ZNG1B: variants seen among roughly 807,000 people sequenced by gnomAD.
ZNG1B encodes zinc-regulated GTPase metalloprotein activator 1B.
At chr2:113,437,891 C>T in the ZNG1B span, 8 of 1,611,756 alleles carry the variant, frequency 5.0e-6, no homozygotes, top group African/African-American at 8.0e-5. Flanking sequence ...GTTGGATCTG[C>T]GGATGAGGAG....
the ZNG1B span, chr2:113,437,949 G>C: frequency 6.2e-7 from 1 of 1,612,034 alleles, no homozygotes; most frequent in South Asian, 1.1e-5. Flanking sequence ...CCATGGAGAC[G>C]ACGCAAAGCG....
At chr2:113,457,826 A>T in the ZNG1B span, among the ~76,000 whole-genome samples, 1 of 142,198 alleles carries the variant, frequency 7.0e-6, no homozygotes, top group African/African-American at 2.5e-5. Flanking sequence ...AATTAACTAC[A>T]GTCATCATGC....
At chr2:113,442,541 CTAA>C in the ZNG1B span, among the ~76,000 whole-genome samples, 1 of 152,132 alleles carries the variant, frequency 6.6e-6, no homozygotes, top group East Asian at 1.9e-4. Flanking sequence ...CCTGAGATTT[CTAA>C]TAACAGACTG....
chr2:113,495,509 CACTCAATT>C, the ZNG1B span: 2 of 546,312 alleles, frequency 3.7e-6, 1 homozygote, highest in Admixed American at 8.1e-5. Flanking sequence ...AAGATGGAAT[CACTCAATT>C]ACTATTCTTT....
chr2:113,462,937 C>G, the ZNG1B span: 1 of 169,154 alleles, frequency 5.9e-6, no homozygotes, highest in Non-Finnish European at 1.1e-5. Flanking sequence ...TCTATACAGC[C>G]TATTCTGTCT....
chr2:113,487,077 A>G, the ZNG1B span, among the ~76,000 whole-genome samples: 11 of 151,958 alleles, frequency 7.2e-5, no homozygotes, highest in Admixed American at 6.6e-4. Context: ...AAAAATAAGT[A>G]TAGTCATGCA....
the ZNG1B span, among the ~76,000 whole-genome samples, chr2:113,471,865 C>G: frequency 1.3e-5 from 2 of 151,924 alleles, no homozygotes; most frequent in South Asian, 4.2e-4. Context: ...GCCACATTTT[C>G]TTAATCCAGT....
chr2:113,463,856 T>TA, the ZNG1B span, among the ~76,000 whole-genome samples: 1 of 151,228 alleles, frequency 6.6e-6, no homozygotes, highest in East Asian at 1.9e-4. Flanking sequence ...CAAGGTATAG[T>TA]AAAAAAGGGA....
At chr2:113,456,783 G>T in the ZNG1B span, among the ~76,000 whole-genome samples, 1 of 152,164 alleles carries the variant, frequency 6.6e-6, no homozygotes, top group African/African-American at 2.4e-5. Flanking sequence ...TTGATATAAA[G>T]AATTTTCCAA....
chr2:113,442,201 T>C, the ZNG1B span, among the ~76,000 whole-genome samples: 2 of 152,112 alleles, frequency 1.3e-5, no homozygotes, highest in African/African-American at 2.4e-5. Context: ...GGTAAACATA[T>C]GGTCTTTATC....
the ZNG1B span, chr2:113,437,771 C>T: frequency 4.5e-6 from 7 of 1,549,356 alleles, no homozygotes; most frequent in East Asian, 1.4e-4. Flanking sequence ...ACGTCAGGCC[C>T]CGGGCAGGCC....
At chr2:113,440,713 C>A in the ZNG1B span, among the ~76,000 whole-genome samples, 3 of 145,314 alleles carry the variant, frequency 2.1e-5, no homozygotes, top group Non-Finnish European at 4.5e-5. Flanking sequence ...GGAAACAAAC[C>A]AAATGTCCAA....
chr2:113,490,581 T>C, the ZNG1B span, among the ~76,000 whole-genome samples: 2 of 152,160 alleles, frequency 1.3e-5, no homozygotes, highest in Admixed American at 6.5e-5. Context: ...ATTGATAGAC[T>C]GTTAGCAAGA....
At chr2:113,483,874 A>G in the ZNG1B span, among the ~76,000 whole-genome samples, 1 of 152,294 alleles carries the variant, frequency 6.6e-6, no homozygotes, top group Non-Finnish European at 1.5e-5. Context: ...ACTACTAAAT[A>G]GGGCATATCT....
At chr2:113,460,566 A>G in the ZNG1B span, 3 of 1,405,220 alleles carry the variant, frequency 2.1e-6, no homozygotes, top group Admixed American at 5.9e-5. Context: ...GAACATGTTG[A>G]AGTTTTTATT....
the ZNG1B span, chr2:113,494,655 GT>G: frequency 1.2e-6 from 1 of 860,948 alleles, no homozygotes; most frequent in African/African-American, 1.9e-5. Context: ...AAATATAATA[GT>G]TTTTCTTTAT....
At chr2:113,484,281 C>T in the ZNG1B span, among the ~76,000 whole-genome samples, 1 of 147,250 alleles carries the variant, frequency 6.8e-6, no homozygotes, top group Non-Finnish European at 1.5e-5. Flanking sequence ...CTTAGCAAGG[C>T]CTGTTTGCTC....
At chr2:113,443,023 C>T in the ZNG1B span, among the ~76,000 whole-genome samples, 23 of 147,882 alleles carry the variant, frequency 1.6e-4, no homozygotes, top group South Asian at 6.5e-4. Flanking sequence ...GGCTGGAGTG[C>T]AGTGGCACAG....
chr2:113,442,523 G>T, the ZNG1B span, among the ~76,000 whole-genome samples: 1 of 152,076 alleles, frequency 6.6e-6, no homozygotes, highest in Non-Finnish European at 1.5e-5. Flanking sequence ...TGCTTTTTAG[G>T]CAAAAATCCT....
Sources: gnomAD v4.1 joint callset for allele counts (sites outside exome capture counted in the v4.1 genomes callset) on GRCh38, gnomAD v4.1.1 for gene constraint, MANE v1.5 for transcripts, NCBI Gene and HGNC (gene_info 2026-07-23, HGNC 2026-07-21) for gene names.